Variants in DGAT2L6 observed in about 807,000 individuals in gnomAD.
The protein encoded by DGAT2L6 is diacylglycerol O-acyltransferase 2-like protein 6.
Under a neutral mutation model 25.5 loss-of-function variants are expected in DGAT2L6, and 22 were observed. The ratio of observed to expected loss-of-function variants is 0.86; its 90% CI spans 0.62 to 1.23. The LOEUF (loss-of-function observed/expected upper bound fraction) is 1.23. DGAT2L6 is among the 50% of genes most tolerant of loss of function. The probability of loss-of-function intolerance (pLI) is 0.00; values close to 1 mark genes in which losing one functional copy is unlikely to be tolerated. For synonymous variants in DGAT2L6, 100 were observed against 94.7 expected, an observed-to-expected ratio of 1.06 and a Z score of -0.32; for missense variants, 287 against 253.2, an observed-to-expected ratio of 1.13 and a Z score of -0.91.
At chrX:70,193,797 C>T (rs1178114216) in intron 1 of DGAT2L6, among the ~76,000 whole-genome samples, 1 of 112,059 alleles carries the variant, frequency 8.9e-6, no homozygotes, top group Non-Finnish European at 1.9e-5. Flanking sequence ...ACATCATACA[C>T]AATGGTGAAA....
chrX:70,195,084 T>G (rs1218506387), intron 1 of DGAT2L6, among the ~76,000 whole-genome samples: 3 of 111,868 alleles, frequency 2.7e-5, no homozygotes, highest in Non-Finnish European at 3.8e-5. Flanking sequence ...GGCAAAGGAC[T>G]TGAATAGACA....
At chrX:70,179,951 A>G (rs776816780) in intron 1 of DGAT2L6, among the ~76,000 whole-genome samples, 2 of 110,677 alleles carry the variant, frequency 1.8e-5, no homozygotes, top group Non-Finnish European at 3.8e-5. Flanking sequence ...TCTCTATTTC[A>G]TTTCCCCTCT....
chrX:70,192,830 A>G (rs1479030053), intron 1 of DGAT2L6, among the ~76,000 whole-genome samples: 1 of 111,865 alleles, frequency 8.9e-6, no homozygotes, highest in Non-Finnish European at 1.9e-5. Context: ...CACAATATCA[A>G]ATAAATAAAA....
intron 1 of DGAT2L6, among the ~76,000 whole-genome samples, chrX:70,193,778 C>A (rs1401379048): frequency 2.7e-5 from 3 of 111,856 alleles, no homozygotes; most frequent in Non-Finnish European, 5.6e-5. Flanking sequence ...TATGAAAAGT[C>A]CACAGCTAAC....
intron 1 of DGAT2L6, among the ~76,000 whole-genome samples, chrX:70,185,049 C>A (rs2085355551): frequency 9.0e-6 from 1 of 111,499 alleles, no homozygotes; most frequent in Non-Finnish European, 1.9e-5. Flanking sequence ...TACTCTTCTG[C>A]TCTCTGCTTA....
chrX:70,198,271 T>C (rs1409146639), intron 1 of DGAT2L6, among the ~76,000 whole-genome samples: 2 of 112,837 alleles, frequency 1.8e-5, no homozygotes, highest in African/African-American at 3.2e-5. Context: ...GCTATGGCCA[T>C]TTGCTAACAC....
At chrX:70,198,555 T>C (rs978686969) in intron 1 of DGAT2L6, among the ~76,000 whole-genome samples, 7 of 110,844 alleles carry the variant, frequency 6.3e-5, no homozygotes, top group African/African-American at 2.3e-4. Context: ...TTTGTTTTGT[T>C]TTTTCAAGAC....
chrX:70,204,212 A>G (rs1602695908), intron 5 of DGAT2L6, 93 bp from the exon 6 acceptor site: 1 of 725,676 alleles, frequency 1.4e-6, no homozygotes, highest in Admixed American at 3.0e-5. Flanking sequence ...TTCTTGTCCT[A>G]TAATGGGGAG....
At chrX:70,201,025 C>T (rs1348633159) in intron 4 of DGAT2L6, among the ~76,000 whole-genome samples, 2 of 112,290 alleles carry the variant, frequency 1.8e-5, no homozygotes, top group African/African-American at 3.2e-5. Flanking sequence ...AGAACAACTT[C>T]CCCATGCTCA....
At chrX:70,196,245 A>G (rs1305261425) in intron 1 of DGAT2L6, among the ~76,000 whole-genome samples, 1 of 110,175 alleles carries the variant, frequency 9.1e-6, no homozygotes, top group African/African-American at 3.3e-5. Flanking sequence ...TGGGAGGCTA[A>G]GGCAGGAGGA....
intron 5 of DGAT2L6, 151 bp from the exon 6 acceptor site, chrX:70,204,154 G>C (rs1441415775): frequency 2.1e-6 from 1 of 478,408 alleles, no homozygotes; most frequent in Non-Finnish European, 3.6e-6. Flanking sequence ...GGGAGAGTGA[G>C]GCATGGCAGG....
intron 1 of DGAT2L6, among the ~76,000 whole-genome samples, chrX:70,190,803 T>C (rs192005776): frequency 1.8e-5 from 2 of 112,320 alleles, no homozygotes; most frequent in Admixed American, 9.4e-5. Flanking sequence ...GAAACAGCCC[T>C]GTAACTTGGG....
intron 1 of DGAT2L6, 104 bp from the exon 2 acceptor site, chrX:70,199,167 C>T (rs2085401027): frequency 6.4e-6 from 3 of 467,731 alleles, no homozygotes; most frequent in Middle Eastern, 4.9e-4. Flanking sequence ...AGTCCCACAT[C>T]AGCCTAGCCC....
chrX:70,185,782 A>T (rs1438653912), intron 1 of DGAT2L6, among the ~76,000 whole-genome samples: 1 of 111,127 alleles, frequency 9.0e-6, no homozygotes, highest in Non-Finnish European at 1.9e-5. Flanking sequence ...ACAAGTTCTT[A>T]TATTTATAGT....
At chrX:70,184,905 G>T (rs1310876936) in intron 1 of DGAT2L6, among the ~76,000 whole-genome samples, 1 of 111,200 alleles carries the variant, frequency 9.0e-6, no homozygotes, top group African/African-American at 3.3e-5. Flanking sequence ...ATTGGTATGT[G>T]AAATAGTAGC....
intron 1 of DGAT2L6, among the ~76,000 whole-genome samples, chrX:70,196,324 C>A (rs1362900476): frequency 9.4e-6 from 1 of 106,339 alleles, no homozygotes; most frequent in East Asian, 3.0e-4. Flanking sequence ...CAAAAAAATA[C>A]AAAATAAATT....
chrX:70,179,421 G>A (rs1286088479), intron 1 of DGAT2L6, among the ~76,000 whole-genome samples: 1 of 110,945 alleles, frequency 9.0e-6, no homozygotes, highest in Non-Finnish European at 1.9e-5. Context: ...GGCAGCAACC[G>A]TGTCAAATCC....
intron 1 of DGAT2L6, among the ~76,000 whole-genome samples, chrX:70,183,702 G>A (rs937714085): frequency 9.0e-6 from 1 of 111,180 alleles, no homozygotes; most frequent in Non-Finnish European, 1.9e-5. Flanking sequence ...TTGGGTGTGT[G>A]GGCCTGCCCT....
chrX:70,204,646 G>T, intron 6 of DGAT2L6, 130 bp downstream of exon 6: 1 of 771,400 alleles, frequency 1.3e-6, no homozygotes, highest in East Asian at 3.4e-5. Context: ...AGAGCAGGGT[G>T]GGTAGGACAA....
Sources: gnomAD v4.1 joint callset for allele counts (sites outside exome capture counted in the v4.1 genomes callset) on GRCh38, gnomAD v4.1.1 for gene constraint, MANE v1.5 for transcripts, NCBI Gene and HGNC (gene_info 2026-07-23, HGNC 2026-07-21) for gene names.